PLD5: variants seen among roughly 807,000 people sequenced by gnomAD.
PLD5 encodes the protein phospholipase D family member 5, also known as inactive phospholipase D5.
In PLD5, 36 loss-of-function variants were observed where a neutral mutation model predicts 61.1. That is an observed-to-expected ratio of 0.59 (90% CI 0.45 to 0.78). The LOEUF (loss-of-function observed/expected upper bound fraction) is 0.78, where lower values mean the gene tolerates loss of function less well. Among genes scored for constraint, PLD5 ranks in the 30% least tolerant of loss-of-function variants. The pLI, the probability that PLD5 is intolerant of heterozygous loss-of-function variation, is 0.00. For missense variants in PLD5, 515 were observed against 644.4 expected, an observed-to-expected ratio of 0.80 and a Z score of 2.17; for synonymous variants, 243 against 242.8, an observed-to-expected ratio of 1.00 and a Z score of -0.01.
intron 9 of PLD5, among the ~76,000 whole-genome samples, chr1:242,090,555 G>A (rs550309859): frequency 4.6e-5 from 7 of 152,276 alleles, no homozygotes; most frequent in East Asian, 3.9e-4. Flanking sequence ...CAAAGAAAAC[G>A]CTGAAGCCAG....
Position 242,332,168 on chromosome 1 carries a change from A to G in PLD5, c.326+15938T>C, listed in dbSNP as rs576680913. Among the ~76,000 whole-genome samples, 68 of 152,242 alleles carry G rather than the reference A, an allele frequency of 4.5e-4. 2 individuals carry two copies. In the South Asian group the frequency reaches 0.013, roughly 30 times the overall value. On this transcript the variant is annotated intron_variant, in intron 2 of 9. Transcript: ENST00000536534. ...TTTCTGTTCATGTATTAGTTTGCTGAGAACGATAGTTTCCAGCTTCATCCA... is the reference window on the plus strand; with the variant it reads ...TTTCTGTTCATGTATTAGTTTGCTGGGAACGATAGTTTCCAGCTTCATCCA...
intron 2 of PLD5, among the ~76,000 whole-genome samples, chr1:242,297,616 T>C (rs1419104398): frequency 1.4e-5 from 2 of 138,830 alleles, no homozygotes; most frequent in East Asian, 2.1e-4. Context: ...TATGGATTCA[T>C]GTTTCTTTTT....
Position 242,084,856 on chromosome 1 carries a change from C to T in PLD5, c.*4998G>A, listed in dbSNP as rs952065735. On this transcript the variant is annotated 3_prime_UTR_variant, in exon 10 of 10. Coordinates refer to ENST00000536534, the MANE Select transcript of PLD5 (RefSeq NM_001372062.1). ...AAAACAGTGGGCCCATTGGACCAGTCGCATCTACCTTCTTCATAATTTACC... is the reference window on the plus strand; with the variant it reads ...AAAACAGTGGGCCCATTGGACCAGTTGCATCTACCTTCTTCATAATTTACC... The T allele has an allele frequency of 6.9e-6, 1 of 145,442 alleles. No individual in the cohort carries two copies. The highest frequency in any genetic ancestry group is 1.5e-5 in the Non-Finnish European group (1 of 67,346). The allele number at this position is 145,442 out of a possible 1,614,324, so 9.0% of individuals were successfully genotyped here.
Position 242,088,255 on chromosome 1 carries a change from A to G in PLD5, c.*1599T>C, listed in dbSNP as rs1247637215. 1 of 152,166 alleles carries G rather than the reference A, an allele frequency of 6.6e-6. No individual in the cohort carries two copies. Among genetic ancestry groups the G allele is most frequent in the Non-Finnish European group, 1.5e-5 (1 of 68,020 alleles). The allele number at this position is 152,166 out of a possible 1,614,324, so 9.4% of individuals were successfully genotyped here. ...TATTCATGCCAAAGCAGCCCAACGC[A>G]ATGTTCTATTGAAATGTTGACAATC... On this transcript the variant is annotated 3_prime_UTR_variant, in exon 10 of 10. Coordinates refer to ENST00000536534, the MANE Select transcript of PLD5 (RefSeq NM_001372062.1).
chr1:242,109,500 C>T (rs566480759), intron 7 of PLD5, among the ~76,000 whole-genome samples: 2 of 151,902 alleles, frequency 1.3e-5, no homozygotes, highest in African/African-American at 4.8e-5. Flanking sequence ...AAAAATGCCA[C>T]CCCCCACAAA....
intron 5 of PLD5, among the ~76,000 whole-genome samples, chr1:242,190,601 G>C (rs1181359356): frequency 6.6e-6 from 1 of 151,920 alleles, no homozygotes; most frequent in Admixed American, 6.5e-5. Flanking sequence ...AAAAATTAAG[G>C]CCAGGTGCAG....
chr1:242,215,322 C>T (rs1393280021), intron 5 of PLD5, among the ~76,000 whole-genome samples: 3 of 152,008 alleles, frequency 2.0e-5, no homozygotes, highest in South Asian at 4.1e-4. Context: ...ACAGGCATCC[C>T]GTATAACCCC....
rs959699060 is a variant in PLD5 at position 242,088,705 on chromosome 1, A to G, written c.*1149T>C. ...GGTCTCCATTAATACAGGGGTATAT[A>G]TTGTATAGATATAAAACAACAACAC... On this transcript the variant is annotated 3_prime_UTR_variant, in exon 10 of 10. Transcript: ENST00000536534. 7 of 152,198 alleles carry G rather than the reference A, an allele frequency of 4.6e-5. No individual in the cohort carries two copies. The highest frequency in any genetic ancestry group is 8.8e-5 in the Non-Finnish European group (6 of 68,040). 9.4% of individuals were successfully genotyped at this position (152,198 alleles called of 1,614,324 possible).
chr1:242,518,622 C>T (rs1376526168), intron 1 of PLD5, among the ~76,000 whole-genome samples: 1 of 152,066 alleles, frequency 6.6e-6, no homozygotes, highest in African/African-American at 2.4e-5. Context: ...TTATAGAAGT[C>T]TATAGAGAGA....
intron 1 of PLD5, among the ~76,000 whole-genome samples, chr1:242,395,008 T>TATATATGTATATATGA (rs1553366906): frequency 0.012 from 1,264 of 107,718 alleles, 112 homozygotes; most frequent in East Asian, 0.071. Context: ...TATATATGAA[T>TATATATGTATATATGA]ATATATGAAT....
At chr1:242,412,324 G>A (rs1322349870) in intron 1 of PLD5, among the ~76,000 whole-genome samples, 1 of 152,172 alleles carries the variant, frequency 6.6e-6, no homozygotes, top group East Asian at 1.9e-4. Context: ...TGTCCATTCA[G>A]TTGGGGGCTT....
intron 1 of PLD5, among the ~76,000 whole-genome samples, chr1:242,452,863 C>T (rs575748610): frequency 6.6e-5 from 10 of 152,156 alleles, no homozygotes; most frequent in African/African-American, 9.6e-5. Context: ...CCTCTGCACC[C>T]CCTAGGTCCT....
intron 2 of PLD5, among the ~76,000 whole-genome samples, chr1:242,313,047 T>G (rs180702549): frequency 2.2e-4 from 33 of 152,280 alleles, no homozygotes; most frequent in Admixed American, 2.0e-3. Flanking sequence ...CTACACAGGG[T>G]TTTCCAGATG....
chr1:242,344,875 C>T (rs1367252375), intron 2 of PLD5, among the ~76,000 whole-genome samples: 1 of 152,142 alleles, frequency 6.6e-6, no homozygotes, highest in African/African-American at 2.4e-5. Flanking sequence ...ATTGGACTTA[C>T]AGTTCCACAG....
chr1:242,346,896 A>G (rs1397614709), intron 2 of PLD5, among the ~76,000 whole-genome samples: 1 of 152,204 alleles, frequency 6.6e-6, no homozygotes, highest in Non-Finnish European at 1.5e-5. Context: ...TATAAGTCAG[A>G]ACATGCAGTA....
chr1:242,461,761 T>G (rs187082503), intron 1 of PLD5, among the ~76,000 whole-genome samples: 1 of 152,306 alleles, frequency 6.6e-6, no homozygotes, highest in East Asian at 1.9e-4. Context: ...TGTTGTTTTT[T>G]GACTTCTTAG....
At chr1:242,344,516 T>C (rs4658480) in intron 2 of PLD5, among the ~76,000 whole-genome samples, 132,217 of 152,114 alleles carry the variant, frequency 0.87, 58,024 homozygotes, top group Non-Finnish European at 0.93. Context: ...AGGAAGTAGG[T>C]TGTGAATAGA....
chr1:242,409,065 CAAAAA>C (rs376493644), intron 1 of PLD5, among the ~76,000 whole-genome samples: 6 of 138,906 alleles, frequency 4.3e-5, no homozygotes, highest in South Asian at 2.3e-4. Context: ...AGACTCCTCT[CAAAAA>C]AAAAAGAAAA....
intron 5 of PLD5, among the ~76,000 whole-genome samples, chr1:242,156,694 G>A (rs1665399526): frequency 6.6e-6 from 1 of 152,144 alleles, no homozygotes; most frequent in African/African-American, 2.4e-5. Flanking sequence ...CTCTCTTCTG[G>A]CTTGTAGGGT....
Sources: allele counts gnomAD v4.1 joint callset (sites outside exome capture counted in the v4.1 genomes callset), GRCh38; gene constraint gnomAD v4.1.1; transcripts MANE v1.5; gene names NCBI Gene and HGNC (gene_info 2026-07-23, HGNC 2026-07-21).